Variants in MRAP observed in about 807,000 individuals in gnomAD.
MRAP encodes the protein melanocortin 2 receptor accessory protein.
Under a neutral mutation model 8.7 loss-of-function variants are expected in MRAP, and 8 were observed. The observed-to-expected ratio is 0.92, with a 90% CI of 0.54 to 1.66. The LOEUF is 1.66. Ranked by LOEUF, MRAP falls within the 40% of genes most tolerant of loss-of-function variation. MRAP has a pLI of 0.00. For synonymous variants in MRAP, 95 were observed against 95.5 expected (o/e 1.00, Z 0.03); for missense variants, 237 against 217.1 (o/e 1.09, Z -0.58).
intron 1 of MRAP, among the ~76,000 whole-genome samples, chr21:32,305,040 G>A (rs187289976): frequency 2.9e-4 from 40 of 137,980 alleles, no homozygotes; most frequent in Non-Finnish European, 4.4e-4. Flanking sequence ...TGGCGTGATC[G>A]TAGCTCACTT....
intron 1 of MRAP, among the ~76,000 whole-genome samples, chr21:32,304,224 C>G (rs1407724213): frequency 1.3e-5 from 2 of 152,150 alleles, no homozygotes; most frequent in African/African-American, 4.8e-5. Flanking sequence ...CACTCTTTTA[C>G]TGTAAGGGTT....
At chr21:32,294,692 AGC>A (rs1326019846), upstream of MRAP, among the ~76,000 whole-genome samples, 3 of 152,132 alleles carry the variant, frequency 2.0e-5, no homozygotes, top group African/African-American at 7.2e-5. Context: ...TTTAAATTTC[AGC>A]TGAATGTAAT....
chr21:32,299,396 G>A (rs527438172), intron 1 of MRAP, among the ~76,000 whole-genome samples: 1 of 152,200 alleles, frequency 6.6e-6, no homozygotes, highest in East Asian at 1.9e-4. Flanking sequence ...GTGCAGTGGC[G>A]TGACCATAGC....
chr21:32,300,791 T>TCAGTGTGTCGTGCGTCCTATGTCAGGGGC (rs1569026661), intron 1 of MRAP, among the ~76,000 whole-genome samples: 13 of 130,718 alleles, frequency 9.9e-5, no homozygotes, highest in African/African-American at 3.6e-4. Context: ...ATGTCGGATG[T>TCAGTGTGTCGTGCGTCCTATGTCAGGGGC]GTCATGCATC....
chr21:32,305,654 T>C (rs1321845510), intron 1 of MRAP, among the ~76,000 whole-genome samples: 1 of 152,164 alleles, frequency 6.6e-6, no homozygotes, highest in Non-Finnish European at 1.5e-5. Flanking sequence ...TGAATTCTCG[T>C]TAGGTTATCA....
In MRAP at chr21:32,311,452, C is replaced by T. The variant is rs2032568718; in HGVS notation, c.207-232C>T. On this transcript the variant is annotated intron_variant, in intron 2 of 2. Coordinates refer to ENST00000303645, the MANE Select transcript of MRAP (RefSeq NM_001379228.1). The stretch of plus-strand genomic sequence containing the variant: ...CTAAATCAATGTAGGAAGAAGTGGC[C>T]TCCAGGGAAAGACCTGAGGCCTAGT... 1.2e-5 allele frequency: 3 copies of T among 243,468 alleles called. No individual in the cohort carries two copies. The South Asian group carries it at 2.9e-4, about 24-fold the overall frequency. 15.1% of individuals were successfully genotyped at this position (243,468 alleles called of 1,614,324 possible). A position where few individuals can be genotyped will look rare whatever the true frequency, so the allele number is the denominator to read the frequency against.
At chr21:32,306,440 A>C in intron 1 of MRAP, 200 bp from the exon 2 acceptor site, 1 of 638,566 alleles carries the variant, frequency 1.6e-6, no homozygotes. Context: ...GCCCTGAGGA[A>C]AAAGACACTT....
At chr21:32,309,006 G>C (rs1272763233) in intron 2 of MRAP, among the ~76,000 whole-genome samples, 1 of 152,134 alleles carries the variant, frequency 6.6e-6, no homozygotes, top group Non-Finnish European at 1.5e-5. Flanking sequence ...CCGTGGACTC[G>C]CGCATTGGCA....
At chr21:32,309,380 A>G (rs1017581123) in intron 2 of MRAP, among the ~76,000 whole-genome samples, 28 of 150,984 alleles carry the variant, frequency 1.9e-4, no homozygotes, top group African/African-American at 6.6e-4. Flanking sequence ...CCAGGGCTAC[A>G]CTCGCCAGGC....
chr21:32,299,119 GCCGGGGC>G, intron 1 of MRAP, 42 bp downstream of exon 1: 1 of 1,534,036 alleles, frequency 6.5e-7, no homozygotes, highest in Non-Finnish European at 9.0e-7. Flanking sequence ...GAGGCTGGGG[GCCGGGGC>G]CCAAATGACT....
At chr21:32,306,031 C>T (rs2032406777) in intron 1 of MRAP, among the ~76,000 whole-genome samples, 1 of 152,202 alleles carries the variant, frequency 6.6e-6, no homozygotes, top group Admixed American at 6.5e-5. Flanking sequence ...CCTGCCACAG[C>T]CCCTGAGATG....
intron 2 of MRAP, among the ~76,000 whole-genome samples, chr21:32,293,579 A>G (rs2032088790): frequency 6.6e-6 from 1 of 152,138 alleles, no homozygotes; most frequent in South Asian, 2.1e-4. Flanking sequence ...CACCTCGTCC[A>G]GGTCATCGTT....
At chr21:32,292,182 G>A (rs1275666815) in intron 1 of MRAP, among the ~76,000 whole-genome samples, 1 of 151,992 alleles carries the variant, frequency 6.6e-6, no homozygotes, top group African/African-American at 2.4e-5. Context: ...GATACATAGA[G>A]AAATATTTGC....
intron 1 of MRAP, among the ~76,000 whole-genome samples, chr21:32,300,810 G>T (rs928548762): frequency 1.4e-5 from 2 of 147,994 alleles, no homozygotes; most frequent in Non-Finnish European, 3.0e-5. Flanking sequence ...TCCTATGTCA[G>T]GGGCGTCATG....
Position 32,302,381 on chromosome 21 carries a change from G to A in MRAP, c.106+3304G>A, listed in dbSNP as rs113444344. On this transcript the variant is annotated intron_variant, in intron 1 of 2. Transcript: ENST00000303645. ...CTGTAAGTATTTGATGAATATATGT[G>A]TTTTAGTAAGAATTCTATGACTCCA... 8.6e-3 allele frequency among the ~76,000 whole-genome samples: 1,307 copies of A among 152,290 alleles called. 18 individuals carry two copies. The highest frequency in any genetic ancestry group is 0.029 in the African/African-American group (1,197 of 41,554).
chr21:32,310,423 C>G (rs1332494214), intron 2 of MRAP, among the ~76,000 whole-genome samples: 1 of 152,198 alleles, frequency 6.6e-6, no homozygotes, highest in Non-Finnish European at 1.5e-5. Context: ...GTGGGTTCAT[C>G]ACTTGGTACT....
chr21:32,302,376 T>C (rs765825974), intron 1 of MRAP, among the ~76,000 whole-genome samples: 2 of 152,224 alleles, frequency 1.3e-5, no homozygotes, highest in Non-Finnish European at 2.9e-5. Flanking sequence ...TTGATGAATA[T>C]ATGTGTTTTA....
At chr21:32,309,135 C>A (rs370417712) in intron 2 of MRAP, among the ~76,000 whole-genome samples, 1 of 152,252 alleles carries the variant, frequency 6.6e-6, no homozygotes, top group Admixed American at 6.5e-5. Context: ...AGCATGGCAC[C>A]GACATCTGCT....
At chr21:32,300,933 T>C (rs2032278410) in intron 1 of MRAP, among the ~76,000 whole-genome samples, 1 of 151,286 alleles carries the variant, frequency 6.6e-6, no homozygotes, top group Non-Finnish European at 1.5e-5. Context: ...TGATATATCG[T>C]GTATGTCATA....
Sources: gnomAD v4.1 joint callset for allele counts (sites outside exome capture counted in the v4.1 genomes callset) on GRCh38, gnomAD v4.1.1 for gene constraint, MANE v1.5 for transcripts, NCBI Gene and HGNC (gene_info 2026-07-23, HGNC 2026-07-21) for gene names.